DOCK3: variants seen among roughly 807,000 people sequenced by gnomAD.
The protein encoded by DOCK3 is dedicator of cytokinesis 3.
Under a neutral mutation model 265.6 loss-of-function variants are expected in DOCK3, and 60 were observed. The ratio of observed to expected loss-of-function variants is 0.23; its 90% CI spans 0.18 to 0.28. The LOEUF is 0.28. Ranked by LOEUF, DOCK3 falls within the 10% of genes least tolerant of loss-of-function variation. The pLI is 1.00. For synonymous variants in DOCK3, 881 were observed against 938.0 expected, an observed-to-expected ratio of 0.94 and a Z score of 1.11; for missense variants, 1,981 against 2,594.3, an observed-to-expected ratio of 0.76 and a Z score of 5.14.
At chr3:51,143,036 G>A (rs1378940408) in intron 9 of DOCK3, among the ~76,000 whole-genome samples, 6 of 151,976 alleles carry the variant, frequency 3.9e-5, no homozygotes, top group South Asian at 2.1e-4. Context: ...ACAGGCACAG[G>A]CCACCATGCC....
At chr3:50,788,035 T>A (rs1241339304) in intron 2 of DOCK3, 2 of 737,902 alleles carry the variant, frequency 2.7e-6, no homozygotes, top group African/African-American at 3.5e-5. Flanking sequence ...ACTCTGCTCC[T>A]GTCTCCCTGA....
intron 18 of DOCK3, 94 bp downstream of exon 18, chr3:51,228,926 C>T: frequency 1.4e-6 from 2 of 1,396,002 alleles, no homozygotes; most frequent in Non-Finnish European, 1.9e-6. Context: ...TAAATTATTC[C>T]TTCTTGATGC....
chr3:51,290,183 G>T (rs1016929287), intron 27 of DOCK3, among the ~76,000 whole-genome samples: 41 of 152,266 alleles, frequency 2.7e-4, no homozygotes, highest in African/African-American at 9.4e-4. Context: ...TCCCATTACT[G>T]GGTATATACC....
chr3:50,801,076 A>G (rs1451611581), intron 2 of DOCK3, among the ~76,000 whole-genome samples: 1 of 152,164 alleles, frequency 6.6e-6, no homozygotes, highest in African/African-American at 2.4e-5. Context: ...TCGTAAAAGA[A>G]ATAGTGCTTG....
chr3:50,832,465 TG>T (rs1231417456), intron 2 of DOCK3, among the ~76,000 whole-genome samples: 1 of 152,216 alleles, frequency 6.6e-6, no homozygotes, highest in Non-Finnish European at 1.5e-5. Flanking sequence ...TCTATTCATC[TG>T]ACAAAGGTCT....
intron 49 of DOCK3, among the ~76,000 whole-genome samples, chr3:51,366,399 T>C: frequency 6.6e-6 from 1 of 152,212 alleles, no homozygotes; most frequent in Non-Finnish European, 1.5e-5. Context: ...TTAGTCTTGC[T>C]AGTGGTCTAT....
At chr3:51,019,775 C>T (rs2079508571) in intron 5 of DOCK3, among the ~76,000 whole-genome samples, 1 of 151,932 alleles carries the variant, frequency 6.6e-6, no homozygotes, top group Non-Finnish European at 1.5e-5. Context: ...TGGCTTCCAA[C>T]TCCATTCATG....
rs781656330 is a variant in DOCK3 at position 51,277,658 on chromosome 3, C to T, written c.2727C>T (p.Asp909=). 2.7e-5 allele frequency: 43 copies of T among 1,595,118 alleles called. No homozygotes were observed. The highest frequency in any genetic ancestry group is 4.0e-5 in the African/African-American group (3 of 74,222). ...EVEMMVESLL[D]VLLQTLLTIM... is the part of the protein sequence containing the mutation. ...AGATGATGGTGGAGAGCCTCCTGGA[C>T]GTGCTCTTGCAGACTCTGCTCACCA... The change falls in exon 26 of 53, where the codon GAC becomes GAT. Residue 909 remains aspartate (D), a synonymous_variant. Coordinates refer to ENST00000266037, the MANE Select transcript of DOCK3 (RefSeq NM_004947.5).
At chr3:51,149,412 T>C (rs956373465) in intron 10 of DOCK3, among the ~76,000 whole-genome samples, 1 of 152,210 alleles carries the variant, frequency 6.6e-6, no homozygotes, top group Non-Finnish European at 1.5e-5. Flanking sequence ...ATCCCTGTCT[T>C]GTGCCAGTTT....
chr3:51,285,141 G>A (rs1054039662), intron 27 of DOCK3, among the ~76,000 whole-genome samples: 1 of 152,120 alleles, frequency 6.6e-6, no homozygotes, highest in African/African-American at 2.4e-5. Flanking sequence ...AACAGAGACA[G>A]CAGTCTGGAC....
chr3:51,068,408 C>T (rs1327964163), intron 6 of DOCK3, among the ~76,000 whole-genome samples: 7 of 151,758 alleles, frequency 4.6e-5, no homozygotes, highest in Admixed American at 2.6e-4. Flanking sequence ...GGCGTGGTGG[C>T]GGGCGCCTGT....
chr3:51,263,563 C>T (rs1022314549), intron 23 of DOCK3, among the ~76,000 whole-genome samples: 1 of 152,182 alleles, frequency 6.6e-6, no homozygotes, highest in African/African-American at 2.4e-5. Context: ...GAAATTCACA[C>T]ATAACTATAT....
chr3:50,988,369 G>A (rs1336571571), intron 5 of DOCK3, among the ~76,000 whole-genome samples: 1 of 152,182 alleles, frequency 6.6e-6, no homozygotes, highest in African/African-American at 2.4e-5. Context: ...GTGTTCTCTG[G>A]CTGACAGAAA....
chr3:50,855,725 G>A (rs752551967), intron 3 of DOCK3, among the ~76,000 whole-genome samples: 11 of 151,920 alleles, frequency 7.2e-5, no homozygotes, highest in Non-Finnish European at 1.3e-4. Context: ...GTATGTGGAG[G>A]TTTTTTACAT....
chr3:50,918,543 C>T (rs1281095775), intron 4 of DOCK3, among the ~76,000 whole-genome samples: 1 of 152,118 alleles, frequency 6.6e-6, no homozygotes, highest in South Asian at 2.1e-4. Context: ...TGTCTGTTGA[C>T]TGCATAAATG....
chr3:51,360,903 G>A (rs2086690929), intron 47 of DOCK3, among the ~76,000 whole-genome samples: 1 of 152,192 alleles, frequency 6.6e-6, no homozygotes, highest in African/African-American at 2.4e-5. Flanking sequence ...TAGGGGTTAG[G>A]AGGGTGATAG....
intron 5 of DOCK3, among the ~76,000 whole-genome samples, chr3:50,942,398 A>C (rs200452791): frequency 5.9e-5 from 9 of 152,056 alleles, no homozygotes; most frequent in African/African-American, 2.2e-4. Flanking sequence ...CATTTTTAGC[A>C]TCAATTATGC....
intron 5 of DOCK3, among the ~76,000 whole-genome samples, chr3:51,035,246 T>A (rs1026499917): frequency 6.6e-6 from 1 of 152,080 alleles, no homozygotes. Flanking sequence ...ATGTTAGATA[T>A]TTTAAATTTT....
intron 5 of DOCK3, among the ~76,000 whole-genome samples, chr3:50,971,616 C>T (rs2077235356): frequency 6.6e-6 from 1 of 152,172 alleles, no homozygotes; most frequent in Non-Finnish European, 1.5e-5. Context: ...TTTTGCAGTT[C>T]AACCTGTAGG....
Sources: allele counts gnomAD v4.1 joint callset (sites outside exome capture counted in the v4.1 genomes callset), GRCh38; gene constraint gnomAD v4.1.1; transcripts MANE v1.5; gene names NCBI Gene and HGNC (gene_info 2026-07-23, HGNC 2026-07-21).